SPINK13: variants seen among roughly 807,000 people sequenced by gnomAD.
SPINK13 encodes serine protease inhibitor Kazal-type 13.
In SPINK13, 11 loss-of-function variants were observed where a neutral mutation model predicts 11.0. The ratio of observed to expected loss-of-function variants is 1.00; its 90% confidence interval spans 0.63 to 1.65. SPINK13 has a LOEUF of 1.65. Ranked by LOEUF, SPINK13 falls within the 40% of genes most tolerant of loss-of-function variation. The pLI, the probability that SPINK13 is intolerant of heterozygous loss-of-function variation, is 0.00. For missense variants in SPINK13, 113 were observed against 117.7 expected, an observed-to-expected ratio of 0.96 and a Z score of 0.19; for synonymous variants, 31 against 35.6, an observed-to-expected ratio of 0.87 and a Z score of 0.46.
rs562756442 is a variant in SPINK13, at chr5:148,286,142, C to T, written c.*94C>T. The T allele has an allele frequency of 3.9e-6, 3 of 759,950 alleles. No homozygotes were observed. The highest frequency in any genetic ancestry group is 3.9e-4 in the Middle Eastern group (1 of 2,582). The allele number at this position is 759,950 out of a possible 1,614,324, so 47.1% of individuals were successfully genotyped here. On this transcript the variant is annotated 3_prime_UTR_variant, in exon 5 of 5. Transcript: ENST00000398450. ...TGTGAGAATGTAAATTAAATAACATCCCTATGCTGTACTTAAATGTCGAAC... is the reference window on the plus strand; with the variant it reads ...TGTGAGAATGTAAATTAAATAACATTCCTATGCTGTACTTAAATGTCGAAC...
At chr5:148,274,490 G>A (rs1196260566) in intron 3 of SPINK13, 106 bp downstream of exon 3, 7 of 896,470 alleles carry the variant, frequency 7.8e-6, no homozygotes, top group African/African-American at 1.7e-5. Context: ...GCTCATGCCT[G>A]TAATTCCAGA....
At chr5:148,271,920 GC>G (rs1400587211) in intron 2 of SPINK13, among the ~76,000 whole-genome samples, 3 of 152,194 alleles carry the variant, frequency 2.0e-5, no homozygotes, top group Admixed American at 6.5e-5. Flanking sequence ...ACCACGCCTG[GC>G]CTATTATTAG....
intron 2 of SPINK13, among the ~76,000 whole-genome samples, chr5:148,272,897 A>G (rs1179545580): frequency 6.6e-6 from 1 of 152,216 alleles, no homozygotes; most frequent in Non-Finnish European, 1.5e-5. Flanking sequence ...AAAGCATGGA[A>G]TAAGAATTCT....
intron 3 of SPINK13, among the ~76,000 whole-genome samples, chr5:148,276,997 T>C (rs1022234322): frequency 2.0e-5 from 3 of 152,222 alleles, no homozygotes; most frequent in Non-Finnish European, 4.4e-5. Flanking sequence ...TTCACATCCC[T>C]TGTAAGTTGT....
chr5:148,279,612 C>G (rs1004442703), intron 3 of SPINK13, among the ~76,000 whole-genome samples: 2 of 152,322 alleles, frequency 1.3e-5, no homozygotes, highest in African/African-American at 2.4e-5. Context: ...TTGGCCCCCA[C>G]TCTCTTCTGG....
rs547279604 is a variant in SPINK13, at chr5:148,270,941, T to A, written c.70+799T>A. 10 of 152,316 alleles carry A rather than the reference T, an allele frequency of 6.6e-5. No homozygotes were observed. In the East Asian group the frequency reaches 1.9e-3, roughly 29 times the overall value. 9.4% of individuals were successfully genotyped at this position (152,316 alleles called of 1,614,324 possible). A position where few individuals can be genotyped will look rare whatever the true frequency, so the allele number is the denominator to read the frequency against. ...AGGAAATTAATTCTTCCTTAGAAAC[T>A]CCAGGAGGAATGCATCACTGCTGAC... is the stretch of plus-strand genomic sequence containing the variant. On this transcript the variant is annotated intron_variant, in intron 2 of 4. Transcript: ENST00000398450.
intron 3 of SPINK13, among the ~76,000 whole-genome samples, chr5:148,280,296 A>G (rs1174941967): frequency 6.6e-6 from 1 of 152,012 alleles, no homozygotes; most frequent in Non-Finnish European, 1.5e-5. Context: ...CAATTTGTCA[A>G]ACTCATTCTC....
At chr5:148,273,749 C>G in intron 2 of SPINK13, among the ~76,000 whole-genome samples, 1 of 152,178 alleles carries the variant, frequency 6.6e-6, no homozygotes, top group African/African-American at 2.4e-5. Context: ...TTAAATATCA[C>G]TTAACAGTGA....
chr5:148,283,524 G>C (rs929964095), intron 4 of SPINK13, among the ~76,000 whole-genome samples: 3 of 152,090 alleles, frequency 2.0e-5, no homozygotes, highest in Non-Finnish European at 4.4e-5. Context: ...TGAGCTTCTA[G>C]TATCATGCTT....
intron 2 of SPINK13, among the ~76,000 whole-genome samples, chr5:148,271,581 T>C (rs79359925): frequency 0.1 from 15,461 of 152,168 alleles, 2,113 homozygotes; most frequent in African/African-American, 0.3. Flanking sequence ...ATGGAAAATA[T>C]ATTTTTATAA....
At chr5:148,280,134 A>C (rs185936107) in intron 3 of SPINK13, among the ~76,000 whole-genome samples, 2 of 152,172 alleles carry the variant, frequency 1.3e-5, no homozygotes, top group East Asian at 3.9e-4. Flanking sequence ...CATCTTCATC[A>C]AGTCATTTAT....
chr5:148,277,552 G>C (rs1756449848), intron 3 of SPINK13, among the ~76,000 whole-genome samples: 1 of 152,118 alleles, frequency 6.6e-6, no homozygotes, highest in African/African-American at 2.4e-5. Flanking sequence ...TTTTTGTCAT[G>C]GTTCTGTTTA....
At chr5:148,274,473 C>A in intron 3 of SPINK13, 89 bp downstream of exon 3, 2 of 1,060,026 alleles carry the variant, frequency 1.9e-6, no homozygotes, top group Admixed American at 2.0e-5. Context: ...GAAAGTCAGG[C>A]ACAGTGGCTC....
chr5:148,282,328 C>A, intron 4 of SPINK13, 97 bp downstream of exon 4: 1 of 1,433,568 alleles, frequency 7.0e-7, no homozygotes, highest in South Asian at 1.3e-5. Flanking sequence ...CTGATGCATA[C>A]TTTTTTTAAA....
rs1355883503 is a variant in SPINK13, at chr5:148,277,604, C to T, written c.108+3220C>T. Among the ~76,000 whole-genome samples, 6 of 152,104 alleles carry T rather than the reference C, an allele frequency of 3.9e-5. No individual in the cohort carries two copies. In the South Asian group the frequency reaches 6.2e-4, roughly 16 times the overall value. On this transcript the variant is annotated intron_variant, in intron 3 of 4. Transcript: ENST00000398450. ...TATTGATTTGCATATGTTAAACGAA[C>T]GTTGCATCGCAAGGATGAAGCCGAC...
At chr5:148,282,272 TC>T (rs1163973291) in intron 4 of SPINK13, 41 bp downstream of exon 4, 1 of 1,605,032 alleles carries the variant, frequency 6.2e-7, no homozygotes, top group Admixed American at 1.7e-5. Flanking sequence ...TCCCTCTACT[TC>T]TTCACAGAAA....
At chr5:148,284,588 T>C (rs1394782589) in intron 4 of SPINK13, among the ~76,000 whole-genome samples, 3 of 152,158 alleles carry the variant, frequency 2.0e-5, no homozygotes, top group African/African-American at 4.8e-5. Flanking sequence ...ATGACCTGAA[T>C]GTATAAACTT....
chr5:148,283,808 T>G (rs1321819188), intron 4 of SPINK13, among the ~76,000 whole-genome samples: 1 of 152,214 alleles, frequency 6.6e-6, no homozygotes, highest in Non-Finnish European at 1.5e-5. Flanking sequence ...TTATACTCTG[T>G]GGTGTTTGTA....
At chr5:148,279,318 A>G (rs1395193326) in intron 3 of SPINK13, among the ~76,000 whole-genome samples, 1 of 151,982 alleles carries the variant, frequency 6.6e-6, no homozygotes, top group Non-Finnish European at 1.5e-5. Context: ...TGATCCTGTC[A>G]TTATTATGCT....
Sources: allele counts gnomAD v4.1 joint callset (sites outside exome capture counted in the v4.1 genomes callset), GRCh38; gene constraint gnomAD v4.1.1; transcripts MANE v1.5; gene names NCBI Gene and HGNC (gene_info 2026-07-23, HGNC 2026-07-21).